MBD5: variants seen among roughly 807,000 people sequenced by gnomAD.
MBD5 encodes methyl-CpG-binding domain protein 5.
Under a neutral mutation model 117.3 loss-of-function variants are expected in MBD5, and 13 were observed. The ratio of observed to expected loss-of-function variants is 0.11; its 90% CI spans 0.07 to 0.18. MBD5 has a LOEUF of 0.18. MBD5 is among the 10% of genes least tolerant of loss of function. The probability of loss-of-function intolerance (pLI) is 1.00; values close to 1 mark genes in which losing one functional copy is unlikely to be tolerated. For missense variants in MBD5, 1,879 were observed against 2,093.8 expected, an observed-to-expected ratio of 0.90 and a Z score of 2.00; for synonymous variants, 727 against 766.4, an observed-to-expected ratio of 0.95 and a Z score of 0.85.
intron 3 of MBD5, among the ~76,000 whole-genome samples, chr2:148,307,336 A>T (rs1347974089): frequency 6.6e-6 from 1 of 152,108 alleles, no homozygotes; most frequent in Non-Finnish European, 1.5e-5. Flanking sequence ...CTATTTTTTT[A>T]AAGAACTTTA....
intron 1 of MBD5, among the ~76,000 whole-genome samples, chr2:148,030,279 GA>G (rs950058487): frequency 2.3e-4 from 33 of 144,962 alleles, no homozygotes; most frequent in Middle Eastern, 6.9e-3. Flanking sequence ...TGTCTCATAA[GA>G]AAAAAAAAAG....
At chr2:148,174,821 G>A (rs114516077) in intron 1 of MBD5, among the ~76,000 whole-genome samples, 2 of 151,644 alleles carry the variant, frequency 1.3e-5, no homozygotes, top group South Asian at 2.1e-4. Context: ...TGTTGATGAC[G>A]ATGTAAAGAA....
chr2:148,237,864 G>A (rs1034248545), intron 3 of MBD5, among the ~76,000 whole-genome samples: 18 of 152,040 alleles, frequency 1.2e-4, no homozygotes, highest in African/African-American at 3.9e-4. Context: ...AACCACAACC[G>A]TGCATTCTAC....
intron 12 of MBD5, among the ~76,000 whole-genome samples, chr2:148,507,074 T>C (rs991384677): frequency 6.6e-6 from 1 of 152,206 alleles, no homozygotes; most frequent in Non-Finnish European, 1.5e-5. Context: ...AGTAGTCATT[T>C]CTCCCTCTAT....
intron 3 of MBD5, among the ~76,000 whole-genome samples, chr2:148,315,044 A>T (rs944491635): frequency 6.6e-6 from 1 of 151,800 alleles, no homozygotes; most frequent in African/African-American, 2.4e-5. Context: ...GGAGAGGGGG[A>T]CTAAGAACAG....
intron 1 of MBD5, among the ~76,000 whole-genome samples, chr2:148,097,221 TAAAC>T (rs1696092867): frequency 6.6e-6 from 1 of 152,230 alleles, no homozygotes; most frequent in Admixed American, 6.5e-5. Flanking sequence ...TACTAGAAGA[TAAAC>T]TATTTGGTGT....
At chr2:148,241,810 T>G (rs1437608101) in intron 3 of MBD5, among the ~76,000 whole-genome samples, 1 of 152,198 alleles carries the variant, frequency 6.6e-6, no homozygotes, top group Non-Finnish European at 1.5e-5. Context: ...TTTCTATTTC[T>G]GCCTTCATTT....
intron 8 of MBD5, chr2:148,472,327 A>T (rs1156605131): frequency 6.6e-6 from 1 of 152,112 alleles, no homozygotes. Context: ...AAGGATAAGG[A>T]TACATGTCTA....
chr2:148,355,646 T>A (rs1352292074), intron 4 of MBD5, among the ~76,000 whole-genome samples: 1 of 152,186 alleles, frequency 6.6e-6, no homozygotes, highest in Non-Finnish European at 1.5e-5. Flanking sequence ...TATATATCTG[T>A]TTTGGTACCA....
chr2:148,272,018 A>C (rs1405529197), intron 3 of MBD5, among the ~76,000 whole-genome samples: 1 of 152,180 alleles, frequency 6.6e-6, no homozygotes, highest in Non-Finnish European at 1.5e-5. Context: ...TAGATTCCAC[A>C]TGTAAATAAG....
intron 3 of MBD5, among the ~76,000 whole-genome samples, chr2:148,302,333 T>A (rs79937257): frequency 5.3e-5 from 8 of 152,214 alleles, no homozygotes; most frequent in Non-Finnish European, 4.4e-5. Flanking sequence ...TTTCTATTAA[T>A]GCTTACTTTT....
At chr2:148,329,203 A>G (rs1000818417) in intron 3 of MBD5, among the ~76,000 whole-genome samples, 3 of 152,222 alleles carry the variant, frequency 2.0e-5, no homozygotes, top group Non-Finnish European at 4.4e-5. Flanking sequence ...ATTTATTTCA[A>G]CTGCACTTAC....
intron 1 of MBD5, among the ~76,000 whole-genome samples, chr2:148,100,699 A>G (rs1696184506): frequency 6.6e-6 from 1 of 152,254 alleles, no homozygotes; most frequent in Non-Finnish European, 1.5e-5. Context: ...ATGCTTCTTC[A>G]TAACATGGTG....
At chr2:148,412,332 T>C (rs1193461630) in intron 4 of MBD5, among the ~76,000 whole-genome samples, 3 of 150,910 alleles carry the variant, frequency 2.0e-5, no homozygotes, top group Admixed American at 1.3e-4. Flanking sequence ...TATGTATATA[T>C]ATAGAGAGAG....
intron 1 of MBD5, among the ~76,000 whole-genome samples, chr2:148,158,391 A>G (rs1224030250): frequency 2.0e-5 from 3 of 152,218 alleles, no homozygotes; most frequent in African/African-American, 7.2e-5. Context: ...CTTGTCTCAG[A>G]GGTTTAAATG....
chr2:148,045,974 CTTTTTTTTTTT>C (rs59672002), intron 1 of MBD5, among the ~76,000 whole-genome samples: 7 of 77,450 alleles, frequency 9.0e-5, no homozygotes, highest in African/African-American at 2.7e-4. Flanking sequence ...AATGAAGTGC[CTTTTTTTTTTT>C]TTTTTTTTTT....
rs35179123 is a variant in MBD5 at position 148,293,147 on chromosome 2, C to CAA, written c.-679-49044_-679-49043dup. On this transcript the variant is annotated intron_variant, in intron 3 of 13. Transcript: ENST00000642680. ...TGAGCAACGTAGTGAAACCTTGCCT[C>CAA]AAAAAAAAAAAAAAAAAAAAAAAAT... Among the ~76,000 whole-genome samples, 417 of 84,734 alleles carry CAA rather than the reference C, an allele frequency of 4.9e-3. 3 individuals are homozygous for CAA. The highest frequency in any genetic ancestry group is 0.015 in the Middle Eastern group (2 of 132). 55.6% of individuals were successfully genotyped at this position (84,734 alleles called of 152,430 possible).
intron 1 of MBD5, among the ~76,000 whole-genome samples, chr2:148,172,740 G>A (rs544041098): frequency 4.5e-4 from 68 of 152,260 alleles, no homozygotes; most frequent in African/African-American, 1.5e-3. Flanking sequence ...CCATGGACCA[G>A]TCACCATGTA....
At position 148,483,387 on chromosome 2, in the gene MBD5, T is replaced by C. The variant is rs761833665; in HGVS notation, c.2796T>C (p.His932=). ...TCTCTTTGCCAGTGAATCAACAGCA[T>C]CTCCTAAACCAGAATCTATTAAATA... ...LPISLPVNQQ[H]LLNQNLLNIL... The change falls in exon 9 of 14, where the codon CAT becomes CAC. Residue 932 remains histidine, a synonymous_variant. Coordinates refer to ENST00000642680, the MANE Select transcript of MBD5 (RefSeq NM_001378120.1). The C allele has an allele frequency of 1.2e-6, 2 of 1,614,068 alleles. No individual in the cohort carries two copies. The highest frequency in any genetic ancestry group is 4.5e-5 in the East Asian group (2 of 44,882).
Sources: allele counts gnomAD v4.1 joint callset (sites outside exome capture counted in the v4.1 genomes callset), GRCh38; gene constraint gnomAD v4.1.1; transcripts MANE v1.5; gene names NCBI Gene and HGNC (gene_info 2026-07-23, HGNC 2026-07-21).